Variants in DPYD observed in about 807,000 individuals in gnomAD.
DPYD encodes the protein dihydropyrimidine dehydrogenase [NADP(+)].
DPYD carries 109 observed loss-of-function variants against 116.2 expected under a neutral mutation model. The ratio of observed to expected loss-of-function variants is 0.94; its 90% CI spans 0.80 to 1.10. The LOEUF (loss-of-function observed/expected upper bound fraction) is 1.10, where lower values mean the gene tolerates loss of function less well. DPYD is among the 50% of genes least tolerant of loss of function. DPYD has a pLI of 0.00. For synonymous variants in DPYD, 440 were observed against 432.0 expected (o/e 1.02, Z -0.23); for missense variants, 1,302 against 1,254.5 (o/e 1.04, Z -0.57).
intron 3 of DPYD, among the ~76,000 whole-genome samples, chr1:97,785,868 A>G (rs1666989737): frequency 1.3e-5 from 2 of 149,978 alleles, no homozygotes; most frequent in African/African-American, 4.9e-5. Context: ...AATTTTTTGT[A>G]TTTTGTAGTA....
chr1:97,656,259 C>T (rs1037225729), intron 8 of DPYD, among the ~76,000 whole-genome samples: 1 of 152,158 alleles, frequency 6.6e-6, no homozygotes, highest in Non-Finnish European at 1.5e-5. Context: ...ATTCACTAAT[C>T]CCCTTCTTTT....
At chr1:97,798,439 A>G (rs1255148402) in intron 3 of DPYD, among the ~76,000 whole-genome samples, 1 of 152,004 alleles carries the variant, frequency 6.6e-6, no homozygotes, top group Non-Finnish European at 1.5e-5. Context: ...TCACTTACTC[A>G]GTGTATGACC....
intron 20 of DPYD, among the ~76,000 whole-genome samples, chr1:97,151,924 A>G (rs768440299): frequency 3.3e-5 from 5 of 152,186 alleles, no homozygotes; most frequent in Non-Finnish European, 7.3e-5. Flanking sequence ...ACAGTTTTGA[A>G]GTAGTATATT....
At chr1:97,231,753 C>T (rs1006291297) in intron 19 of DPYD, among the ~76,000 whole-genome samples, 3 of 152,154 alleles carry the variant, frequency 2.0e-5, no homozygotes, top group Admixed American at 6.5e-5. Flanking sequence ...ATTTCACTCT[C>T]AAGTAGGTTG....
intron 4 of DPYD, among the ~76,000 whole-genome samples, chr1:97,735,920 C>T (rs913356900): frequency 1.3e-5 from 2 of 151,618 alleles, no homozygotes; most frequent in African/African-American, 4.8e-5. Context: ...TATAATAAAA[C>T]CCCCACACTG....
Position 97,691,716 on chromosome 1 carries a change from C to T in DPYD, c.762+1G>A, listed in dbSNP as rs373109111. On this transcript the variant is annotated splice_donor_variant, in intron 7 of 22. Transcript: ENST00000370192. LOFTEE classifies it high-confidence loss of function. ...CACAGATAGGTGTTTTTTTCATTTA[C>T]CTTTACACCAAGGTCCTTCATTAGC... The T allele has an allele frequency of 1.9e-6, 3 of 1,612,818 alleles. No homozygotes were observed. Among genetic ancestry groups the T allele is most frequent in the African/African-American group, 1.3e-5 (1 of 74,932 alleles).
rs2101035792 is a variant in DPYD, at chr1:97,305,289, C to G, written c.2269G>C (p.Ala757Pro). 1.2e-6 allele frequency: 2 copies of G among 1,612,424 alleles called. No homozygotes were observed. Among genetic ancestry groups the G allele is most frequent in the Non-Finnish European group, 1.7e-6 (2 of 1,178,924 alleles). Residue 757 changes from alanine to proline, a missense_variant, in exon 18 of 23, where the codon GCA (alanine) becomes CCA (proline). Ala to Pro is a conservative substitution (Grantham distance 27). Transcript: ENST00000370192. ...DGTPWPAVGIAKRTTYGGVSG... is the reference protein window; with the variant it reads ...DGTPWPAVGIPKRTTYGGVSG... ...ACTCCTCCATATGTAGTTCGCTTTGCAATCCCCACTGCTGGCCAAGGTGTG... is the reference window on the plus strand; with the variant it reads ...ACTCCTCCATATGTAGTTCGCTTTGGAATCCCCACTGCTGGCCAAGGTGTG...
At chr1:97,715,193 G>A (rs1010103610) in intron 5 of DPYD, among the ~76,000 whole-genome samples, 7 of 151,964 alleles carry the variant, frequency 4.6e-5, no homozygotes, top group Admixed American at 3.9e-4. Flanking sequence ...GCCCTCAAGC[G>A]TTGTTTATCA....
intron 4 of DPYD, among the ~76,000 whole-genome samples, chr1:97,738,745 C>T (rs558703687): frequency 6.7e-6 from 1 of 149,954 alleles, no homozygotes; most frequent in African/African-American, 2.5e-5. Context: ...TAATCATCTT[C>T]AAATCTCTCA....
chr1:97,779,983 T>C (rs766994483), intron 3 of DPYD, among the ~76,000 whole-genome samples: 3 of 152,190 alleles, frequency 2.0e-5, no homozygotes, highest in Admixed American at 1.3e-4. Flanking sequence ...GTGCCTAATA[T>C]ATAATGGCTA....
intron 19 of DPYD, among the ~76,000 whole-genome samples, chr1:97,217,098 C>T (rs1023369804): frequency 3.9e-5 from 6 of 151,900 alleles, no homozygotes; most frequent in Admixed American, 2.0e-4. Flanking sequence ...ATCCCAAGTA[C>T]TTGGGAGGCT....
At chr1:97,292,720 G>A (rs1003325105) in intron 18 of DPYD, among the ~76,000 whole-genome samples, 64 of 77,164 alleles carry the variant, frequency 8.3e-4, no homozygotes, top group Non-Finnish European at 1.4e-3. Context: ...GCACACGCGC[G>A]AGCACACACA....
chr1:97,296,745 A>G (rs1666561613), intron 18 of DPYD, among the ~76,000 whole-genome samples: 1 of 152,112 alleles, frequency 6.6e-6, no homozygotes, highest in South Asian at 2.1e-4. Context: ...TAAGATGTTC[A>G]AATTTTAAAA....
intron 13 of DPYD, among the ~76,000 whole-genome samples, chr1:97,499,899 T>C (rs1174342812): frequency 2.0e-5 from 3 of 151,966 alleles, no homozygotes; most frequent in Non-Finnish European, 4.4e-5. Context: ...CAAAGTCTTA[T>C]TGCAAAATCC....
intron 20 of DPYD, among the ~76,000 whole-genome samples, chr1:97,144,995 G>GTGA: frequency 6.6e-6 from 1 of 152,256 alleles, no homozygotes; most frequent in Non-Finnish European, 1.5e-5. Context: ...TGGCCACAGG[G>GTGA]TGATGGTGGT....
intron 20 of DPYD, among the ~76,000 whole-genome samples, chr1:97,103,412 T>C (rs931287038): frequency 3.9e-5 from 6 of 152,044 alleles, no homozygotes; most frequent in African/African-American, 1.4e-4. Context: ...ATTTGGACAG[T>C]GGAACACAAT....
chr1:97,702,224 T>G (rs1661638084), intron 5 of DPYD, among the ~76,000 whole-genome samples: 1 of 151,434 alleles, frequency 6.6e-6, no homozygotes, highest in African/African-American at 2.4e-5. Context: ...TTTTCATAAA[T>G]ATATATTTTA....
chr1:97,569,738 G>T (rs1652769902), intron 11 of DPYD, among the ~76,000 whole-genome samples: 1 of 151,900 alleles, frequency 6.6e-6, no homozygotes, highest in Admixed American at 6.6e-5. Flanking sequence ...AATTGAGTCA[G>T]AAATTGGACA....
At chr1:97,823,825 G>A (rs557979767) in intron 3 of DPYD, among the ~76,000 whole-genome samples, 62 of 142,836 alleles carry the variant, frequency 4.3e-4, no homozygotes, top group Admixed American at 1.3e-3. Context: ...AAAAATGCAT[G>A]AAATTTCCTT....
Sources: allele counts gnomAD v4.1 joint callset (sites outside exome capture counted in the v4.1 genomes callset), GRCh38; gene constraint gnomAD v4.1.1; transcripts MANE v1.5; gene names NCBI Gene and HGNC (gene_info 2026-07-23, HGNC 2026-07-21).